The following RORA variants were observed in gnomAD, a reference collection of about 807,000 sequenced individuals.
RORA encodes the protein nuclear receptor ROR-alpha.
RORA carries 7 observed loss-of-function variants against 69.5 expected under a neutral mutation model. That is an observed-to-expected ratio of 0.10 (90% CI 0.06 to 0.19). The LOEUF is 0.19. RORA is among the 10% of genes least tolerant of loss of function. The pLI, the probability that RORA is intolerant of heterozygous loss-of-function variation, is 1.00. For missense variants in RORA, 457 were observed against 663.0 expected (o/e 0.69, Z 3.41); for synonymous variants, 261 against 240.8 (o/e 1.08, Z -0.78).
intron 1 of RORA, chr15:61,176,175 A>C (rs2079627687): frequency 6.6e-6 from 1 of 152,198 alleles, no homozygotes; most frequent in South Asian, 2.1e-4. Context: ...TTTCTTATTA[A>C]ATGCTGCCCC....
At chr15:60,846,085 A>G (rs964899170) in intron 1 of RORA, among the ~76,000 whole-genome samples, 1 of 152,184 alleles carries the variant, frequency 6.6e-6, no homozygotes, top group African/African-American at 2.4e-5. Flanking sequence ...TGATCCCTTC[A>G]GACCCTCTTA....
At chr15:60,825,241 A>G (rs28735972) in intron 1 of RORA, among the ~76,000 whole-genome samples, 13,064 of 152,214 alleles carry the variant, frequency 0.086, 1,217 homozygotes, top group African/African-American at 0.24. Context: ...CTGCTTCTAG[A>G]ACCACACCTC....
intron 1 of RORA, among the ~76,000 whole-genome samples, chr15:61,086,856 C>G (rs887806268): frequency 2.0e-5 from 3 of 152,130 alleles, no homozygotes; most frequent in Non-Finnish European, 4.4e-5. Context: ...TATTGTACAA[C>G]AGCAGAGCTG....
intron 1 of RORA, among the ~76,000 whole-genome samples, chr15:61,221,967 A>G (rs2080101429): frequency 6.6e-6 from 1 of 152,104 alleles, no homozygotes; most frequent in Admixed American, 6.5e-5. Context: ...GAAAAAAAAA[A>G]AAAAACTAAA....
At chr15:60,861,947 C>CA (rs933961225) in intron 1 of RORA, among the ~76,000 whole-genome samples, 2 of 152,178 alleles carry the variant, frequency 1.3e-5, no homozygotes, top group African/African-American at 4.8e-5. Flanking sequence ...GCAGCAGCCT[C>CA]AAAAACAGTC....
chr15:60,653,300 T>C (rs1464024984), intron 2 of RORA, among the ~76,000 whole-genome samples: 1 of 32,846 alleles, frequency 3.0e-5, no homozygotes, highest in East Asian at 2.5e-3. Flanking sequence ...GGTGCATGCG[T>C]GTGTGTGTGT....
At chr15:60,649,260 C>A (rs570771179) in intron 2 of RORA, among the ~76,000 whole-genome samples, 1 of 151,772 alleles carries the variant, frequency 6.6e-6, no homozygotes, top group African/African-American at 2.4e-5. Flanking sequence ...AAAAAATCCC[C>A]GGCATATAAG....
chr15:60,923,068 C>T lies in RORA; in HGVS notation c.167-244382G>A, dbSNP rs200469687. On this transcript the variant is annotated intron_variant, in intron 1 of 10. Coordinates refer to ENST00000335670, the MANE Select transcript of RORA (RefSeq NM_134261.3). The stretch of plus-strand genomic sequence containing the variant: ...GTGAAAGTAAAGCAGACAGGACCCA[C>T]TTTTTGCACTTTGTATCTTTTCTCT... 2.6e-5 allele frequency among the ~76,000 whole-genome samples: 4 copies of T among 152,240 alleles called. No individual in the cohort carries two copies. In the East Asian group the frequency reaches 7.7e-4, roughly 29 times the overall value.
chr15:61,229,003 C>A, intron 1 of RORA, 50 bp downstream of exon 1: 1 of 1,121,302 alleles, frequency 8.9e-7, no homozygotes, highest in African/African-American at 1.7e-5. Flanking sequence ...CCCCCCGCTC[C>A]GCGCCCGGGC....
At chr15:60,830,234 A>T (rs1371416470) in intron 1 of RORA, among the ~76,000 whole-genome samples, 1 of 152,232 alleles carries the variant, frequency 6.6e-6, no homozygotes, top group Non-Finnish European at 1.5e-5. Flanking sequence ...AGAATTATTT[A>T]TTTAGAAAAT....
At chr15:60,894,186 T>G (rs1567228543) in intron 1 of RORA, among the ~76,000 whole-genome samples, 1 of 152,224 alleles carries the variant, frequency 6.6e-6, no homozygotes, top group Non-Finnish European at 1.5e-5. Flanking sequence ...TCACTTTTCA[T>G]GTGAAGCTGG....
At chr15:60,584,220 CTG>C (rs1047612395) in intron 2 of RORA, among the ~76,000 whole-genome samples, 3 of 152,194 alleles carry the variant, frequency 2.0e-5, no homozygotes, top group Admixed American at 6.5e-5. Flanking sequence ...GAATCAAACT[CTG>C]TGTGAGACCC....
rs140542992 is a variant in RORA at position 61,099,582 on chromosome 15, C to T, written c.166+129471G>A. On this transcript the variant is annotated intron_variant, in intron 1 of 10. Coordinates refer to ENST00000335670, the MANE Select transcript of RORA (RefSeq NM_134261.3). ...CACAGGTTGGTGGTTATCTATAAAA[C>T]GTTACTTATTACTTCAAAACCAACA... Among the ~76,000 whole-genome samples the T allele has an allele frequency of 2.3e-3, 354 of 152,328 alleles. 1 individual carries two copies. Among genetic ancestry groups the T allele is most frequent in the African/African-American group, 8.0e-3 (333 of 41,570 alleles).
At chr15:60,834,700 T>C (rs1205269008) in intron 1 of RORA, among the ~76,000 whole-genome samples, 1 of 152,202 alleles carries the variant, frequency 6.6e-6, no homozygotes, top group Non-Finnish European at 1.5e-5. Flanking sequence ...AGCAGCCCAA[T>C]GGACCTACTT....
At chr15:60,597,633 CATATAT>C (rs1382402262) in intron 2 of RORA, among the ~76,000 whole-genome samples, 3 of 24,266 alleles carry the variant, frequency 1.2e-4, no homozygotes, top group Non-Finnish European at 2.2e-4. Flanking sequence ...CATATATATA[CATATAT>C]ATATATATAT....
chr15:60,594,978 T>C (rs2068634246), intron 2 of RORA, among the ~76,000 whole-genome samples: 1 of 152,166 alleles, frequency 6.6e-6, no homozygotes, highest in Non-Finnish European at 1.5e-5. Context: ...ACCCAGGTTA[T>C]ATTACTGTTC....
chr15:60,983,959 GA>G, intron 1 of RORA, among the ~76,000 whole-genome samples: 1 of 152,146 alleles, frequency 6.6e-6, no homozygotes, highest in Non-Finnish European at 1.5e-5. Flanking sequence ...TAAACATAGA[GA>G]AGAGGCAGAA....
intron 1 of RORA, among the ~76,000 whole-genome samples, chr15:60,778,564 A>T (rs1379861738): frequency 6.6e-6 from 1 of 152,032 alleles, no homozygotes; most frequent in Non-Finnish European, 1.5e-5. Context: ...TTAATGCCTT[A>T]TGTACAAATT....
At chr15:60,708,142 A>G (rs1362443677) in intron 1 of RORA, among the ~76,000 whole-genome samples, 1 of 152,184 alleles carries the variant, frequency 6.6e-6, no homozygotes, top group Non-Finnish European at 1.5e-5. Context: ...CATTCTGGCA[A>G]TAGAGGAGCC....
Sources: allele counts gnomAD v4.1 joint callset (sites outside exome capture counted in the v4.1 genomes callset), GRCh38; gene constraint gnomAD v4.1.1; transcripts MANE v1.5; gene names NCBI Gene and HGNC (gene_info 2026-07-23, HGNC 2026-07-21).